The following ASTN2 variants were observed in gnomAD, a reference collection of about 807,000 sequenced individuals.
ASTN2 encodes astrotactin-2.
Under a neutral mutation model 139.8 loss-of-function variants are expected in ASTN2, and 54 were observed. The observed-to-expected ratio is 0.39, with a 90% CI of 0.31 to 0.48. The LOEUF is 0.48. ASTN2 is among the 20% of genes least tolerant of loss of function. The probability of loss-of-function intolerance (pLI) is 0.95; values close to 1 mark genes in which losing one functional copy is unlikely to be tolerated. For missense variants in ASTN2, 1,565 were observed against 1,725.1 expected (o/e 0.91, Z 1.64); for synonymous variants, 756 against 719.5 (o/e 1.05, Z -0.81).
rs193161996 is a variant in ASTN2 at position 117,118,710 on chromosome 9, A to G, written c.1169-22559T>C. Among the ~76,000 whole-genome samples, 609 of 152,210 alleles carry G rather than the reference A, an allele frequency of 4.0e-3. 4 individuals carry two copies. Among genetic ancestry groups the G allele is most frequent in the Non-Finnish European group, 4.1e-3 (278 of 67,994 alleles). On this transcript the variant is annotated intron_variant, in intron 4 of 22. Coordinates refer to ENST00000313400, the MANE Select transcript of ASTN2 (RefSeq NM_001365068.1). ...TTATGTAACCCCAGGCTATTTTTCC[A>G]TCTTTTTCTCTTCCTGCCCTTCTCA...
chr9:116,702,898 G>A (rs1827874265), intron 16 of ASTN2, among the ~76,000 whole-genome samples: 3 of 152,198 alleles, frequency 2.0e-5, no homozygotes, highest in African/African-American at 4.8e-5. Context: ...CCAATCAGTA[G>A]AATAAACGTG....
intron 2 of ASTN2, among the ~76,000 whole-genome samples, chr9:117,276,811 A>G (rs1834201826): frequency 6.6e-6 from 1 of 152,184 alleles, no homozygotes; most frequent in Non-Finnish European, 1.5e-5. Flanking sequence ...GTCTCTCCCT[A>G]GCTGTGTGGT....
At chr9:117,181,334 A>G (rs1332546821) in intron 3 of ASTN2, 5 of 386,604 alleles carry the variant, frequency 1.3e-5, no homozygotes, top group African/African-American at 4.1e-5. Flanking sequence ...GCTGGTAAGT[A>G]TCAGAGCTAA....
chr9:116,976,242 A>G (rs1836338506), intron 8 of ASTN2, 54 bp from the exon 9 acceptor site: 4 of 1,486,688 alleles, frequency 2.7e-6, no homozygotes, highest in Admixed American at 3.4e-5. Flanking sequence ...GGCAGGTAGA[A>G]TTCACATGTG....
At chr9:117,337,289 G>A (rs1828917451) in intron 1 of ASTN2, among the ~76,000 whole-genome samples, 1 of 152,132 alleles carries the variant, frequency 6.6e-6, no homozygotes, top group Non-Finnish European at 1.5e-5. Context: ...AAAATTATTG[G>A]ATTGGTCACA....
At chr9:117,213,860 G>C (rs1832221742) in intron 3 of ASTN2, among the ~76,000 whole-genome samples, 1 of 152,116 alleles carries the variant, frequency 6.6e-6, no homozygotes, top group African/African-American at 2.4e-5. Context: ...AGAGAAACTG[G>C]GGTGTTTAGG....
At position 117,005,080 on chromosome 9, in the gene ASTN2, A is replaced by ATTTTTTTT. The variant is rs35759848; in HGVS notation, c.1591+3004_1591+3011dup. ...AATTTGAGTTGTGGACCTGTAGTCG[A>ATTTTTTTT]TTTTTTTTTTTTTTTTTTTTTTTTG... On this transcript the variant is annotated intron_variant, in intron 7 of 22. Transcript: ENST00000313400. 1.0e-3 allele frequency among the ~76,000 whole-genome samples: 77 copies of ATTTTTTTT among 74,670 alleles called. 9 individuals are homozygous for ATTTTTTTT. The highest frequency in any genetic ancestry group is 3.2e-3 in the African/African-American group (58 of 17,904). The allele number at this position is 74,670 out of a possible 152,430, so 49.0% of individuals were successfully genotyped here. A position where few individuals can be genotyped will look rare whatever the true frequency, so the allele number is the denominator to read the frequency against.
At chr9:116,739,813 C>T (rs2132136144) in intron 13 of ASTN2, among the ~76,000 whole-genome samples, 1 of 152,296 alleles carries the variant, frequency 6.6e-6, no homozygotes, top group Middle Eastern at 3.4e-3. Context: ...AGTAGGTGCA[C>T]CATGAGCATT....
In ASTN2 at chr9:116,994,660, C is replaced by T. The variant is rs545936865; in HGVS notation, c.1591+13432G>A. ...ATTTTATTTCATTTTAATTAATTTA[C>T]ATTTTAATTTAAATGGCCAATAATG... On this transcript the variant is annotated intron_variant, in intron 7 of 22. Transcript: ENST00000313400. Among the ~76,000 whole-genome samples the T allele has an allele frequency of 3.2e-4, 49 of 152,254 alleles. No individual in the cohort carries two copies. In the South Asian group the frequency reaches 5.8e-3, roughly 18 times the overall value.
At chr9:116,697,397 G>A (rs1013606605) in intron 16 of ASTN2, 1 of 310,258 alleles carries the variant, frequency 3.2e-6, no homozygotes, top group Admixed American at 4.4e-5. Context: ...AAGAGCTTTT[G>A]GAAGTTTGAG....
intron 5 of ASTN2, among the ~76,000 whole-genome samples, chr9:117,069,650 CT>C (rs1828055269): frequency 2.7e-5 from 1 of 37,094 alleles, no homozygotes; most frequent in African/African-American, 1.2e-4. Flanking sequence ...GTCTAAGTCT[CT>C]TTGTAGGTCA....
At chr9:117,250,297 C>G (rs889046125) in intron 2 of ASTN2, among the ~76,000 whole-genome samples, 1 of 152,096 alleles carries the variant, frequency 6.6e-6, no homozygotes, top group Non-Finnish European at 1.5e-5. Context: ...CCATTGAGGC[C>G]CCTGCCCTCC....
In ASTN2 at chr9:116,426,773, A is replaced by C. The variant is rs139010358; in HGVS notation, c.3783-685T>G. Among the ~76,000 whole-genome samples the C allele has an allele frequency of 3.1e-3, 468 of 151,994 alleles. 2 individuals carry two copies. Among genetic ancestry groups the C allele is most frequent in the African/African-American group, 9.6e-3 (396 of 41,434 alleles). On this transcript the variant is annotated intron_variant, in intron 22 of 22. Transcript: ENST00000313400. ...AAATATATATATATATATGTCCCCA[A>C]ATCAGAACTTTTCTGTGTCTCATTT...
intron 19 of ASTN2, among the ~76,000 whole-genome samples, chr9:116,543,429 C>A (rs1438952721): frequency 6.7e-6 from 1 of 150,164 alleles, no homozygotes; most frequent in Non-Finnish European, 1.5e-5. Context: ...CAGAGTGACA[C>A]CCTGTCTCAA....
chr9:117,375,678 C>T (rs1194796209), intron 1 of ASTN2, among the ~76,000 whole-genome samples: 2 of 152,312 alleles, frequency 1.3e-5, no homozygotes, highest in East Asian at 3.9e-4. Flanking sequence ...AGACTTTAAG[C>T]CCACCACTTA....
At chr9:116,571,203 C>T (rs1853494244) in intron 19 of ASTN2, among the ~76,000 whole-genome samples, 1 of 152,156 alleles carries the variant, frequency 6.6e-6, no homozygotes, top group African/African-American at 2.4e-5. Flanking sequence ...CTCCCTGGGG[C>T]ACCATCAGCT....
intron 11 of ASTN2, among the ~76,000 whole-genome samples, chr9:116,862,081 G>T (rs1832897925): frequency 6.6e-6 from 1 of 150,736 alleles, no homozygotes; most frequent in African/African-American, 2.4e-5. Context: ...CATCTGAAGA[G>T]CTATTAATCT....
At chr9:116,973,830 T>C (rs1250221898) in intron 10 of ASTN2, among the ~76,000 whole-genome samples, 1 of 152,210 alleles carries the variant, frequency 6.6e-6, no homozygotes, top group Non-Finnish European at 1.5e-5. Context: ...AAGTGCCATC[T>C]CTTTATAAAT....
At chr9:116,437,655 T>C (rs750090951) in intron 22 of ASTN2, 3 of 463,930 alleles carry the variant, frequency 6.5e-6, no homozygotes, top group African/African-American at 2.0e-5. Context: ...CTGAGCCCTG[T>C]GGGAAAGCCC....
Sources: gnomAD v4.1 joint callset for allele counts (sites outside exome capture counted in the v4.1 genomes callset) on GRCh38, gnomAD v4.1.1 for gene constraint, MANE v1.5 for transcripts, NCBI Gene and HGNC (gene_info 2026-07-23, HGNC 2026-07-21) for gene names.